Variants in NELL1 observed in about 807,000 individuals in gnomAD.
NELL1 encodes neural EGFL like 1, also known as protein kinase C-binding protein NELL1.
In NELL1, 76 loss-of-function variants were observed where a neutral mutation model predicts 107.4. That is an observed-to-expected ratio of 0.71 (90% confidence interval 0.59 to 0.86). NELL1 has a LOEUF of 0.86. Among genes scored for constraint, NELL1 ranks in the 40% least tolerant of loss-of-function variants. NELL1 has a pLI of 0.00. For missense variants in NELL1, 1,024 were observed against 1,005.5 expected (o/e 1.02, Z -0.25); for synonymous variants, 353 against 341.2 (o/e 1.03, Z -0.38).
chr11:21,557,887 G>T (rs1194081080), intron 16 of NELL1, among the ~76,000 whole-genome samples: 4 of 151,954 alleles, frequency 2.6e-5, no homozygotes, highest in African/African-American at 9.7e-5. Context: ...ATAGTATTCT[G>T]TTATACTCAG....
At chr11:20,918,411 G>T (rs566137699) in intron 6 of NELL1, among the ~76,000 whole-genome samples, 157 bp downstream of exon 6, 1 of 151,904 alleles carries the variant, frequency 6.6e-6, no homozygotes, top group African/African-American at 2.4e-5. Context: ...ATATAATTCT[G>T]TGTCTTTAAA....
intron 15 of NELL1, among the ~76,000 whole-genome samples, chr11:21,409,780 G>A (rs1014880805): frequency 9.2e-5 from 14 of 151,784 alleles, no homozygotes. Context: ...AGCAGACACT[G>A]GTCTAGATGC....
At chr11:21,278,814 A>C (rs975858563) in intron 14 of NELL1, among the ~76,000 whole-genome samples, 3 of 152,204 alleles carry the variant, frequency 2.0e-5, no homozygotes, top group Admixed American at 2.0e-4. Context: ...ACAAAGACTC[A>C]GAATAACCAA....
At chr11:21,183,695 TC>T (rs1278191122) in intron 13 of NELL1, among the ~76,000 whole-genome samples, 5 of 151,738 alleles carry the variant, frequency 3.3e-5, no homozygotes, top group Non-Finnish European at 7.4e-5. Flanking sequence ...AGCATTTTGA[TC>T]CCCCGTGTTA....
chr11:21,290,398 G>GATAAATAAATAAATAAATAA (rs367977438), intron 14 of NELL1, among the ~76,000 whole-genome samples: 3 of 146,400 alleles, frequency 2.0e-5, no homozygotes, highest in Non-Finnish European at 4.5e-5. Context: ...AAAATAAATA[G>GATAAATAAATAAATAAATAA]ATAAATAAAT....
chr11:21,163,948 C>A (rs914212555), intron 13 of NELL1, among the ~76,000 whole-genome samples: 2 of 151,928 alleles, frequency 1.3e-5, no homozygotes, highest in African/African-American at 4.8e-5. Context: ...AAGGGTGAGG[C>A]CCTAATGCAA....
chr11:20,791,956 A>G (rs1034666736), intron 3 of NELL1, among the ~76,000 whole-genome samples: 1 of 152,036 alleles, frequency 6.6e-6, no homozygotes, highest in African/African-American at 2.4e-5. Flanking sequence ...CATTCCTGGG[A>G]TAAATTCCAC....
intron 2 of NELL1, among the ~76,000 whole-genome samples, chr11:20,755,874 T>TG: frequency 2.4e-4 from 1 of 4,158 alleles, no homozygotes; most frequent in Non-Finnish European, 6.0e-4. Flanking sequence ...GGTTTTTTTT[T>TG]TTTTTTTTTT....
intron 15 of NELL1, among the ~76,000 whole-genome samples, chr11:21,523,700 T>C (rs921186556): frequency 3.9e-5 from 6 of 152,116 alleles, no homozygotes; most frequent in African/African-American, 1.4e-4. Flanking sequence ...TATTCCCATC[T>C]TTGTATCCTC....
chr11:21,342,907 T>A (rs1180637897), intron 14 of NELL1, among the ~76,000 whole-genome samples: 1 of 152,114 alleles, frequency 6.6e-6, no homozygotes, highest in Non-Finnish European at 1.5e-5. Flanking sequence ...TTGACTGTGT[T>A]TTTGGTTAGC....
At chr11:20,878,488 AATTT>A (rs1849349545) in intron 4 of NELL1, among the ~76,000 whole-genome samples, 1 of 151,894 alleles carries the variant, frequency 6.6e-6, no homozygotes, top group Non-Finnish European at 1.5e-5. Flanking sequence ...GATAGATTCA[AATTT>A]TCTATCTCTA....
At chr11:21,233,229 C>T (rs1337838704) in intron 14 of NELL1, among the ~76,000 whole-genome samples, 2 of 152,156 alleles carry the variant, frequency 1.3e-5, no homozygotes, top group Non-Finnish European at 2.9e-5. Flanking sequence ...TGCAAGACAC[C>T]TTGATGTGTG....
intron 2 of NELL1, among the ~76,000 whole-genome samples, chr11:20,678,311 G>A (rs1793002): frequency 0.85 from 130,076 of 152,162 alleles, 56,001 homozygotes; most frequent in Non-Finnish European, 0.88. Context: ...AAGTGGGATG[G>A]ATTTATAACA....
At chr11:21,365,582 G>A (rs2133745372) in intron 14 of NELL1, among the ~76,000 whole-genome samples, 1 of 152,218 alleles carries the variant, frequency 6.6e-6, no homozygotes, top group African/African-American at 2.4e-5. Flanking sequence ...AAAGGACAGT[G>A]GAAATGGCTA....
intron 15 of NELL1, among the ~76,000 whole-genome samples, chr11:21,426,246 A>G (rs887192945): frequency 6.6e-6 from 1 of 152,168 alleles, no homozygotes; most frequent in African/African-American, 2.4e-5. Context: ...CTTGACATTC[A>G]CAGTACATGC....
chr11:21,250,019 A>C (rs1238429352), intron 14 of NELL1, among the ~76,000 whole-genome samples: 1 of 152,192 alleles, frequency 6.6e-6, no homozygotes, highest in Non-Finnish European at 1.5e-5. Flanking sequence ...TGGTTGATTT[A>C]TATTGGGTTT....
At chr11:20,699,780 C>T (rs533388965) in intron 2 of NELL1, among the ~76,000 whole-genome samples, 81 of 152,252 alleles carry the variant, frequency 5.3e-4, no homozygotes, top group African/African-American at 1.9e-3. Flanking sequence ...AATGACTTTT[C>T]CTCTGGGTAG....
chr11:21,159,927 C>G (rs189787492), intron 13 of NELL1, among the ~76,000 whole-genome samples: 1 of 152,322 alleles, frequency 6.6e-6, no homozygotes, highest in Admixed American at 6.5e-5. Flanking sequence ...CTGTGACCAA[C>G]TCTCAGGACC....
At chr11:21,027,244 A>G (rs747441358) in intron 12 of NELL1, among the ~76,000 whole-genome samples, 1 of 152,144 alleles carries the variant, frequency 6.6e-6, no homozygotes, top group African/African-American at 2.4e-5. Flanking sequence ...TACTTGGATC[A>G]TCAAAAAGGG....
Sources: allele counts gnomAD v4.1 joint callset (sites outside exome capture counted in the v4.1 genomes callset), GRCh38; gene constraint gnomAD v4.1.1; transcripts MANE v1.5; gene names NCBI Gene and HGNC (gene_info 2026-07-23, HGNC 2026-07-21).